The following HDAC3 variants were observed in gnomAD, a reference collection of about 807,000 sequenced individuals.
The protein encoded by HDAC3 is histone deacetylase 3.
In HDAC3, 21 loss-of-function variants were observed where a neutral mutation model predicts 62.3. The ratio of observed to expected loss-of-function variants is 0.34; its 90% CI spans 0.24 to 0.49. The LOEUF is 0.49. Ranked by LOEUF, HDAC3 falls within the 20% of genes least tolerant of loss-of-function variation. The pLI, the probability that HDAC3 is intolerant of heterozygous loss-of-function variation, is 0.99. For synonymous variants in HDAC3, 198 were observed against 206.5 expected, an observed-to-expected ratio of 0.96 and a Z score of 0.35; for missense variants, 270 against 556.9, an observed-to-expected ratio of 0.48 and a Z score of 5.19.
chr5:141,630,531 T>C (rs1188303338), intron 3 of HDAC3, among the ~76,000 whole-genome samples: 1 of 152,240 alleles, frequency 6.6e-6, no homozygotes, highest in Non-Finnish European at 1.5e-5. Context: ...AAGAAAGAAC[T>C]GTATACCTAC....
chr5:141,621,373 G>C lies in HDAC3; in HGVS notation c.*95C>G, dbSNP rs1441428049. ...TTCCCAGAGTCAGCAAAAGCCCTGG[G>C]GTGACCCCCAGGACTCTAGGAGCCA... is the stretch of plus-strand genomic sequence containing the variant. On this transcript the variant is annotated 3_prime_UTR_variant, in exon 15 of 15. Coordinates refer to ENST00000305264, the MANE Select transcript of HDAC3 (RefSeq NM_003883.4). 42 of 1,137,000 alleles carry C rather than the reference G, an allele frequency of 3.7e-5. No homozygotes were observed. The highest frequency in any genetic ancestry group is 5.5e-5 in the Non-Finnish European group (41 of 751,560). 70.4% of individuals were successfully genotyped at this position (1,137,000 alleles called of 1,614,324 possible).
intron 3 of HDAC3, among the ~76,000 whole-genome samples, chr5:141,630,481 T>C (rs2099905038): frequency 1.3e-5 from 2 of 152,232 alleles, no homozygotes; most frequent in East Asian, 3.8e-4. Context: ...TAACAAATTT[T>C]AGCATAATGT....
rs1304048885 is a variant in HDAC3 at position 141,629,643 on chromosome 5, A to C, written c.476+41T>G. 1.2e-6 allele frequency: 2 copies of C among 1,602,382 alleles called. No homozygotes were observed. The highest frequency in any genetic ancestry group is 3.3e-5 in the Admixed American group (2 of 59,958). ...TGAGACTGAGAGACCTCCTCAGCCA[A>C]GAATCCCGTAACTGCCCCCATCTCC... On this transcript the variant is annotated intron_variant, in intron 6 of 14. Transcript: ENST00000305264. The surrounding 1 kb of genome is among the most constrained non-coding windows in gnomAD (Gnocchi z 5.3).
chr5:141,622,773 T>C (rs1468388271), intron 14 of HDAC3, among the ~76,000 whole-genome samples: 3 of 152,250 alleles, frequency 2.0e-5, no homozygotes, highest in Admixed American at 6.5e-5. Context: ...GAGAATCAGG[T>C]TGAATCTCAG....
rs562366707 is a variant in HDAC3 at position 141,625,066 on chromosome 5, CAAAGA to C, written c.1217+137_1217+141del. The C allele has an allele frequency of 2.1e-3, 1,740 of 811,094 alleles. 26 individuals carry two copies. The African/African-American group carries it at 0.027, about 13-fold the overall frequency. The allele number at this position is 811,094 out of a possible 1,614,324, so 50.2% of individuals were successfully genotyped here. A position where few individuals can be genotyped will look rare whatever the true frequency, so the allele number is the denominator to read the frequency against. On this transcript the variant is annotated intron_variant, in intron 14 of 14. Transcript: ENST00000305264. This position sits in a 1 kb window ranked among gnomAD's most constrained non-coding sequence, Gnocchi z 4.0. ...GTGTTACTTTTGTCATTAAAAATAA[CAAAGA>C]AAAGAGTGAGGAAATTGTAGCAGAC... is the stretch of plus-strand genomic sequence containing the variant.
At position 141,628,740 on chromosome 5, in the gene HDAC3, T is replaced by C. The variant is rs2099904802; in HGVS notation, c.611-101A>G. 1.2e-6 allele frequency: 1 copy of C among 805,514 alleles called. No individual in the cohort carries two copies. The highest frequency in any genetic ancestry group is 2.1e-6 in the Non-Finnish European group (1 of 485,428). The allele number at this position is 805,514 out of a possible 1,614,324, so 49.9% of individuals were successfully genotyped here. ...CTGGGAGCCTCTCATTCCATCTATG[T>C]AGCTTCACCATAAACTCCCTAGAGC... On this transcript the variant is annotated intron_variant, in intron 7 of 14. Transcript: ENST00000305264. This position sits in a 1 kb window ranked among gnomAD's most constrained non-coding sequence, Gnocchi z 4.7.
chr5:141,630,452 T>G (rs1386010804), intron 3 of HDAC3, among the ~76,000 whole-genome samples: 1 of 152,242 alleles, frequency 6.6e-6, no homozygotes, highest in Non-Finnish European at 1.5e-5. Flanking sequence ...GAGCTCTGTT[T>G]TTCTTAGTCT....
chr5:141,635,094 G>T (rs576855182), intron 2 of HDAC3, 141 bp from the exon 3 acceptor site: 2 of 760,712 alleles, frequency 2.6e-6, no homozygotes, highest in East Asian at 2.8e-5. Flanking sequence ...TAAGTCAGTA[G>T]AGAGACTCCG....
Position 141,628,262 on chromosome 5 carries a change from T to C in HDAC3, c.692-75A>G. On this transcript the variant is annotated intron_variant, in intron 8 of 14. Coordinates refer to ENST00000305264, the MANE Select transcript of HDAC3 (RefSeq NM_003883.4). The surrounding 1 kb of genome is among the most constrained non-coding windows in gnomAD (Gnocchi z 4.7). Reference sequence around the variant, plus strand: ...ACAGGGAACAAAAGGAAAAAGGGGGTTGAGCGAGCATGTAGCCCAGGAAAG... The same window carrying C: ...ACAGGGAACAAAAGGAAAAAGGGGGCTGAGCGAGCATGTAGCCCAGGAAAG... 2.3e-6 allele frequency: 3 copies of C among 1,302,210 alleles called. No individual in the cohort carries two copies. The highest frequency in any genetic ancestry group is 3.3e-6 in the Non-Finnish European group (3 of 901,244). The allele number at this position is 1,302,210 out of a possible 1,614,324, so 80.7% of individuals were successfully genotyped here. A position where few individuals can be genotyped will look rare whatever the true frequency, so the allele number is the denominator to read the frequency against.
At position 141,626,235 on chromosome 5, in the gene HDAC3, C is replaced by T; in HGVS notation, c.879G>A (p.Leu293=). 3.7e-6 allele frequency: 6 copies of T among 1,614,174 alleles called. No homozygotes were observed. Among genetic ancestry groups the T allele is most frequent in the Non-Finnish European group, 5.1e-6 (6 of 1,180,038 alleles). The change falls in exon 11 of 15, where the codon CTG becomes CTA. Residue 293 remains leucine, a synonymous_variant. Coordinates refer to ENST00000305264, the MANE Select transcript of HDAC3 (RefSeq NM_003883.4). The surrounding 1 kb of genome is among the most constrained non-coding windows in gnomAD (Gnocchi z 4.6). ...TTCGGACAGTATAACCACCACCACC[C>T]AGCACGAGTAGAGGGATATTGAAGC... ...VKSFNIPLLV[L]GGGGYTVRNV...
In HDAC3 at chr5:141,621,291, GGA is replaced by G; in HGVS notation, c.*175_*176del. 1 of 636,478 alleles carries G rather than the reference GGA, an allele frequency of 1.6e-6. No homozygotes were observed. Among genetic ancestry groups the G allele is most frequent in the South Asian group, 1.7e-5 (1 of 59,120 alleles). 39.4% of individuals were successfully genotyped at this position (636,478 alleles called of 1,614,324 possible). A position where few individuals can be genotyped will look rare whatever the true frequency, so the allele number is the denominator to read the frequency against. ...TAATAGGTACCATTGTCAGGCCTTGGGAGAGAGAGGAAAAGCAGGTAGATGGT... is the reference window on the plus strand; with the variant it reads ...TAATAGGTACCATTGTCAGGCCTTGGGAGAGAGGAAAAGCAGGTAGATGGT... On this transcript the variant is annotated 3_prime_UTR_variant, in exon 15 of 15. Coordinates refer to ENST00000305264, the MANE Select transcript of HDAC3 (RefSeq NM_003883.4).
At position 141,627,956 on chromosome 5, in the gene HDAC3, C is replaced by T; in HGVS notation, c.767G>A (p.Cys256Tyr). The T allele has an allele frequency of 6.2e-7, 1 of 1,614,170 alleles. No homozygotes were observed. The highest frequency in any genetic ancestry group is 8.5e-7 in the Non-Finnish European group (1 of 1,180,036). Residue 256 changes from cysteine to tyrosine, a missense_variant and splice_region_variant, in exon 10 of 15, where the codon TGT becomes TAT. Physicochemically the swap from Cys to Tyr is radical, Grantham distance 194. Around this residue, in one of 5 missense-constraint regions of HDAC3, gnomAD observed 156 missense variants for 383.9 expected, o/e 0.41. Coordinates refer to ENST00000305264, the MANE Select transcript of HDAC3 (RefSeq NM_003883.4). Reference sequence around the variant, plus strand: ...ATCACAGCCCAGAGAGTCAGCTCCACACTGCAAAAAGCAAAACCCCAGGAA... The same window carrying T: ...ATCACAGCCCAGAGAGTCAGCTCCATACTGCAAAAAGCAAAACCCCAGGAA... ...FYQPTCIVLQ[C>Y]GADSLGCDRL...
intron 3 of HDAC3, among the ~76,000 whole-genome samples, chr5:141,630,969 G>A (rs989213724): frequency 6.6e-6 from 1 of 151,446 alleles, no homozygotes; most frequent in Non-Finnish European, 1.5e-5. Flanking sequence ...CTACAGGTGT[G>A]AGCCATCGGC....
chr5:141,628,107 G>A lies in HDAC3; in HGVS notation c.765+7C>T, dbSNP rs1480207840. 1 of 1,613,172 alleles carries A rather than the reference G, an allele frequency of 6.2e-7. No individual in the cohort carries two copies. ...GAACACTCCTGAGGAGGAACTGACA[G>A]TATTACCTGGAGCACAATGCACGTG... On this transcript the variant is annotated splice_region_variant and intron_variant, in intron 9 of 14. Transcript: ENST00000305264. The surrounding 1 kb of genome is among the most constrained non-coding windows in gnomAD (Gnocchi z 4.7).
Position 141,625,589 on chromosome 5 carries a change from C to T in HDAC3, c.1059+96G>A. 2 of 1,293,572 alleles carry T rather than the reference C, an allele frequency of 1.5e-6. No homozygotes were observed. The highest frequency in any genetic ancestry group is 2.4e-5 in the South Asian group (2 of 83,158). 80.1% of individuals were successfully genotyped at this position (1,293,572 alleles called of 1,614,324 possible). ...CAGTGACTGTGATGGCTTAGAACTT[C>T]CTTCTCTTTGGTTTTTCCTACTTCC... On this transcript the variant is annotated intron_variant, in intron 13 of 14. Transcript: ENST00000305264. This position sits in a 1 kb window ranked among gnomAD's most constrained non-coding sequence, Gnocchi z 4.0.
In HDAC3 at chr5:141,636,781, T is replaced by C. The variant is rs1217514601; in HGVS notation, c.10A>G (p.Thr4Ala). The change falls in exon 1 of 15, where the codon ACC becomes GCC. Residue 4 changes from threonine to alanine, a missense_variant. Physicochemically the swap from Thr to Ala is moderately conservative, Grantham distance 58. Transcript: ENST00000305264. ...TCGGGGTCGTAGAAATAGGCCACGG[T>C]CTTGGCCATGGTGCCGGCGGGAGCA... MAK[T>A]VAYFYDPDVG... is the part of the protein sequence containing the mutation. 6.2e-7 allele frequency: 1 copy of C among 1,611,888 alleles called. No homozygotes were observed. Among genetic ancestry groups the C allele is most frequent in the Non-Finnish European group, 8.5e-7 (1 of 1,178,726 alleles).
At position 141,626,048 on chromosome 5, in the gene HDAC3, A is replaced by G; in HGVS notation, c.944T>C (p.Val315Ala). The G allele has an allele frequency of 1.9e-6, 3 of 1,614,090 alleles. No homozygotes were observed. Among genetic ancestry groups the G allele is most frequent in the Non-Finnish European group, 2.5e-6 (3 of 1,179,998 alleles). ...RCWTYETSLL[V>A]EEAISEELPY... The stretch of plus-strand genomic sequence containing the variant: ...AAGCTCCTCACTAATGGCCTCTTCT[A>G]CCAGCAGCGATGTCTCATATGTCCT... The change falls in exon 12 of 15, where the codon GTA (valine) becomes GCA (alanine). Residue 315 changes from valine to alanine, a missense_variant. Val to Ala is a moderately conservative substitution (Grantham distance 64). Coordinates refer to ENST00000305264, the MANE Select transcript of HDAC3 (RefSeq NM_003883.4). The surrounding 1 kb of genome is among the most constrained non-coding windows in gnomAD (Gnocchi z 4.6).
chr5:141,622,365 G>A (rs565389730), intron 14 of HDAC3, among the ~76,000 whole-genome samples: 2 of 152,202 alleles, frequency 1.3e-5, no homozygotes, highest in South Asian at 2.1e-4. Flanking sequence ...CAGCACTTTG[G>A]GAGGCCAAGG....
At chr5:141,627,805 G>A (rs930868873) in intron 10 of HDAC3, 88 bp downstream of exon 10, 3 of 1,073,968 alleles carry the variant, frequency 2.8e-6, no homozygotes, top group East Asian at 2.4e-5. Flanking sequence ...AAGAAGAGGT[G>A]AGGCCCATTC....
Sources: gnomAD v4.1 joint callset for allele counts (sites outside exome capture counted in the v4.1 genomes callset) on GRCh38, gnomAD v4.1.1 for gene constraint, gnomAD v4.1.1 regional missense constraint, Gnocchi (gnomAD v3.1) non-coding constraint, MANE v1.5 for transcripts, NCBI Gene and HGNC (gene_info 2026-07-23, HGNC 2026-07-21) for gene names.